Variants in FARS2 observed in about 807,000 individuals in gnomAD.
FARS2 encodes the protein phenylalanyl-tRNA synthetase 2, mitochondrial, also known as phenylalanine--tRNA ligase, mitochondrial.
FARS2 carries 40 observed loss-of-function variants against 46.4 expected under a neutral mutation model. The observed-to-expected ratio is 0.86, with a 90% CI of 0.67 to 1.12. FARS2 has a LOEUF of 1.12. FARS2 is among the 50% of genes most tolerant of loss of function. FARS2 has a pLI of 0.00. For synonymous variants in FARS2, 234 were observed against 214.9 expected (o/e 1.09, Z -0.78); for missense variants, 513 against 567.9 (o/e 0.90, Z 0.98).
chr6:5,565,855 A>G (rs1772291428), intron 5 of FARS2, among the ~76,000 whole-genome samples: 1 of 152,178 alleles, frequency 6.6e-6, no homozygotes, highest in Non-Finnish European at 1.5e-5. Context: ...TCAAAAGGAA[A>G]AAACCTTTCA....
intron 3 of FARS2, among the ~76,000 whole-genome samples, chr6:5,405,682 C>T (rs764272482): frequency 6.6e-6 from 1 of 151,806 alleles, no homozygotes; most frequent in Non-Finnish European, 1.5e-5. Context: ...TTAGTAGAGA[C>T]AGGGTTTCAC....
At chr6:5,267,102 CAATT>C (rs1236636964) in intron 1 of FARS2, among the ~76,000 whole-genome samples, 5 of 149,546 alleles carry the variant, frequency 3.3e-5, no homozygotes, top group African/African-American at 1.2e-4. Context: ...ACAAAATTGA[CAATT>C]TATTTTGTGT....
intron 6 of FARS2, among the ~76,000 whole-genome samples, chr6:5,651,916 A>G (rs1261706812): frequency 1.3e-5 from 2 of 152,264 alleles, no homozygotes; most frequent in East Asian, 3.9e-4. Context: ...CACCCCCTTG[A>G]CAACAGGAGA....
At chr6:5,318,088 C>T (rs111959779) in intron 1 of FARS2, among the ~76,000 whole-genome samples, 9,579 of 151,756 alleles carry the variant, frequency 0.063, 407 homozygotes, top group East Asian at 0.13. Flanking sequence ...AGGTTGGGCG[C>T]GGTGGCTCAC....
At chr6:5,301,128 G>A (rs1439655378) in intron 1 of FARS2, among the ~76,000 whole-genome samples, 1 of 152,036 alleles carries the variant, frequency 6.6e-6, no homozygotes, top group Non-Finnish European at 1.5e-5. Context: ...CTAGTCTGTA[G>A]TCTTTTATTT....
intron 1 of FARS2, among the ~76,000 whole-genome samples, chr6:5,277,669 G>A (rs1766431017): frequency 6.6e-6 from 1 of 152,198 alleles, no homozygotes; most frequent in Non-Finnish European, 1.5e-5. Context: ...CATATTATCA[G>A]CAGTACCAGA....
intron 4 of FARS2, among the ~76,000 whole-genome samples, chr6:5,534,335 TTAA>T (rs1308632674): frequency 6.6e-6 from 1 of 152,226 alleles, no homozygotes; most frequent in African/African-American, 2.4e-5. Context: ...TTCAGTGGCA[TTAA>T]TAACATTTAC....
At chr6:5,584,444 G>A (rs1773507890) in intron 5 of FARS2, among the ~76,000 whole-genome samples, 1 of 152,042 alleles carries the variant, frequency 6.6e-6, no homozygotes, top group African/African-American at 2.4e-5. Context: ...TGCAAGTAAT[G>A]ATTACTCTGG....
chr6:5,285,782 C>T (rs887459726), intron 1 of FARS2, among the ~76,000 whole-genome samples: 1 of 152,206 alleles, frequency 6.6e-6, no homozygotes, highest in Non-Finnish European at 1.5e-5. Flanking sequence ...GGCCATGAAG[C>T]CCAGCTAGCA....
intron 6 of FARS2, among the ~76,000 whole-genome samples, chr6:5,626,973 G>A (rs1582620621): frequency 6.6e-6 from 1 of 152,188 alleles, no homozygotes; most frequent in Non-Finnish European, 1.5e-5. Flanking sequence ...GTAGGGAGTT[G>A]TAACACAATG....
intron 6 of FARS2, among the ~76,000 whole-genome samples, chr6:5,743,464 C>T (rs1761465962): frequency 1.3e-5 from 2 of 152,230 alleles, no homozygotes; most frequent in African/African-American, 4.8e-5. Flanking sequence ...TTTACAGGAG[C>T]ACTTCCTAGT....
chr6:5,341,954 A>G (rs1443601844), intron 1 of FARS2, among the ~76,000 whole-genome samples: 1 of 152,266 alleles, frequency 6.6e-6, no homozygotes, highest in Non-Finnish European at 1.5e-5. Flanking sequence ...AGTTCAAATT[A>G]CAGTGGAAGT....
chr6:5,659,858 G>GT (rs1777770454), intron 6 of FARS2, among the ~76,000 whole-genome samples: 1 of 152,220 alleles, frequency 6.6e-6, no homozygotes. Context: ...ATCCTCCTGA[G>GT]TTGTTCACAG....
intron 4 of FARS2, among the ~76,000 whole-genome samples, chr6:5,518,345 A>G (rs1272942980): frequency 6.6e-6 from 1 of 151,900 alleles, no homozygotes; most frequent in Non-Finnish European, 1.5e-5. Context: ...TAGACTATGT[A>G]TTGGGAAGAA....
intron 4 of FARS2, among the ~76,000 whole-genome samples, chr6:5,498,610 G>A (rs1767609701): frequency 6.6e-6 from 1 of 151,868 alleles, no homozygotes; most frequent in African/African-American, 2.4e-5. Flanking sequence ...TATGATCCAT[G>A]TATTTTTTTT....
intron 5 of FARS2, among the ~76,000 whole-genome samples, chr6:5,577,958 T>C (rs1047838378): frequency 6.6e-6 from 1 of 151,980 alleles, no homozygotes; most frequent in Non-Finnish European, 1.5e-5. Context: ...CTTGCCACCA[T>C]GCCTGGCTAA....
At chr6:5,600,531 AATTTG>A (rs1774448947) in intron 5 of FARS2, among the ~76,000 whole-genome samples, 1 of 152,214 alleles carries the variant, frequency 6.6e-6, no homozygotes, top group East Asian at 1.9e-4. Context: ...TCACCAGCCA[AATTTG>A]ATAAGCAGTT....
intron 5 of FARS2, among the ~76,000 whole-genome samples, chr6:5,571,412 A>G (rs1382562240): frequency 6.6e-6 from 1 of 152,256 alleles, no homozygotes; most frequent in East Asian, 1.9e-4. Flanking sequence ...ATTAAATCAT[A>G]TAAAAAAGAA....
intron 5 of FARS2, among the ~76,000 whole-genome samples, chr6:5,561,263 T>C (rs907795603): frequency 2.6e-5 from 4 of 152,176 alleles, no homozygotes; most frequent in African/African-American, 9.7e-5. Flanking sequence ...TTTTATCAAA[T>C]TTTACACACA....
Sources: gnomAD v4.1 joint callset for allele counts (sites outside exome capture counted in the v4.1 genomes callset) on GRCh38, gnomAD v4.1.1 for gene constraint, MANE v1.5 for transcripts, NCBI Gene and HGNC (gene_info 2026-07-23, HGNC 2026-07-21) for gene names.